SPTA1: variants seen among roughly 807,000 people sequenced by gnomAD.
SPTA1 encodes spectrin alpha, erythrocytic 1.
In SPTA1, 177 loss-of-function variants were observed where a neutral mutation model predicts 324.7. The observed-to-expected ratio is 0.55, with a 90% CI of 0.48 to 0.62. The LOEUF (loss-of-function observed/expected upper bound fraction) is 0.62, where lower values mean the gene tolerates loss of function less well. Among genes scored for constraint, SPTA1 ranks in the 20% least tolerant of loss-of-function variants. SPTA1 has a pLI of 0.00. For synonymous variants in SPTA1, 1,195 were observed against 1,041.3 expected (o/e 1.15, Z -2.84); for missense variants, 3,162 against 2,883.6 (o/e 1.10, Z -2.21).
chr1:158,658,585 A>C (rs1652991119), intron 18 of SPTA1, among the ~76,000 whole-genome samples: 1 of 152,178 alleles, frequency 6.6e-6, no homozygotes, highest in African/African-American at 2.4e-5. Flanking sequence ...TCATCTCTAA[A>C]TCAGTCCCCT....
chr1:158,639,750 A>G, intron 34 of SPTA1, 64 bp from the exon 35 acceptor site: 1 of 1,611,588 alleles, frequency 6.2e-7, no homozygotes. Flanking sequence ...GAATAAGATC[A>G]GCAGCTATGT....
rs200589641 is a variant in SPTA1, at chr1:158,666,463, T to G, written c.2073A>C (p.Gln691His). ...GCAAATCTTCTGCATTATTTTCAAA[T>G]TGCAGCTGCTGGTTGGCCTCATGCA... ...TQLHEANQQL[Q>H]FENNAEDLQR... The change falls in exon 16 of 52, where the codon CAA (glutamine) becomes CAC (histidine). Residue 691 changes from glutamine to histidine, a missense_variant. Physicochemically the swap from Gln to His is conservative, Grantham distance 24 (BLOSUM62 0). Transcript: ENST00000643759. 1 of 1,611,794 alleles carries G rather than the reference T, an allele frequency of 6.2e-7. No homozygotes were observed. Among genetic ancestry groups the G allele is most frequent in the African/African-American group, 1.3e-5 (1 of 74,988 alleles).
At chr1:158,641,053 T>C (rs908904900) in intron 33 of SPTA1, among the ~76,000 whole-genome samples, 2 of 152,138 alleles carry the variant, frequency 1.3e-5, no homozygotes, top group South Asian at 2.1e-4. Flanking sequence ...AAACAAGCAA[T>C]GGGGAAAGGA....
In SPTA1 at chr1:158,626,970, G is replaced by A. The variant is rs1376688572; in HGVS notation, c.5702C>T (p.Ser1901Phe). Reference sequence around the variant, plus strand: ...CTTTTCATTCAGAGCCTCTATCTTGGAAGAAATCTCTTTGTTCTGACTTTC... The same window carrying A: ...CTTTTCATTCAGAGCCTCTATCTTGAAAGAAATCTCTTTGTTCTGACTTTC... ...QEESQNKEIS[S>F]KIEALNEKTP... The change falls in exon 41 of 52, where the codon TCC becomes TTC. Residue 1901 changes from serine to phenylalanine, a missense_variant. Coordinates refer to ENST00000643759, the MANE Select transcript of SPTA1 (RefSeq NM_003126.4). 4.3e-6 allele frequency: 7 copies of A among 1,613,760 alleles called. No homozygotes were observed. The highest frequency in any genetic ancestry group is 1.7e-5 in the Admixed American group (1 of 59,998).
rs1035510858 is a variant in SPTA1, at chr1:158,653,423, G to C, written c.3039C>G (p.Asp1013Glu). 2.2e-5 allele frequency: 35 copies of C among 1,613,966 alleles called. No individual in the cohort carries two copies. Among genetic ancestry groups the C allele is most frequent in the South Asian group, 6.6e-5 (6 of 91,080 alleles). ...GATCAGCAGCTTCCACCTTCCACCA[G>C]TCCTGAAGGGAGAGCAGATCCCCAC... ...VLTLLSSINKDWWKVEAADHQ... is the reference protein window; with the variant it reads ...VLTLLSSINKEWWKVEAADHQ... The change falls in exon 22 of 52, where the codon GAC (aspartate) becomes GAG (glutamate). Residue 1013 changes from aspartate to glutamate, a missense_variant and splice_region_variant. By Grantham distance (45) the Asp-to-Glu change is conservative (BLOSUM62 2). Transcript: ENST00000643759.
At chr1:158,685,440 C>G in intron 1 of SPTA1, 93 bp from the exon 2 acceptor site, 4 of 1,555,444 alleles carry the variant, frequency 2.6e-6, no homozygotes, top group Non-Finnish European at 3.5e-6. Flanking sequence ...TCATGTTGGA[C>G]CTATATTCAG....
At chr1:158,684,095 GA>G (rs869026924) in intron 2 of SPTA1, among the ~76,000 whole-genome samples, 15 of 6,704 alleles carry the variant, frequency 2.2e-3, no homozygotes, top group South Asian at 8.8e-3. Flanking sequence ...ATTTAGGGAA[GA>G]AAAAAAAAAA....
rs372849405 is a variant in SPTA1, at chr1:158,615,368, T to G, written c.6636A>C (p.Gln2212His). 7 of 1,614,008 alleles carry G rather than the reference T, an allele frequency of 4.3e-6. No individual in the cohort carries two copies. The highest frequency in any genetic ancestry group is 1.3e-5 in the African/African-American group (1 of 74,932). The change falls in exon 48 of 52, where the codon CAA (glutamine) becomes CAC (histidine). Residue 2212 changes from glutamine (Q) to histidine (H), a missense_variant. Gln to His is a conservative substitution (Grantham distance 24). Coordinates refer to ENST00000643759, the MANE Select transcript of SPTA1 (RefSeq NM_003126.4). ...CCCCCAGGTCCACAATCTTGGTTAG[T>G]TGACGCTTCATCGCCTGGATCTCCT... ...KQKEIQAMKRQLTKIVDLGDN... is the reference protein window; with the variant it reads ...KQKEIQAMKRHLTKIVDLGDN...
At chr1:158,686,457 T>A (rs773443974) in intron 1 of SPTA1, 37 bp downstream of exon 1, 6 of 1,367,604 alleles carry the variant, frequency 4.4e-6, no homozygotes, top group Non-Finnish European at 6.3e-6. Flanking sequence ...CTAATAATAT[T>A]AATGACAAAT....
intron 7 of SPTA1, among the ~76,000 whole-genome samples, chr1:158,677,079 G>GT (rs1252979774): frequency 1.3e-5 from 2 of 152,136 alleles, no homozygotes; most frequent in African/African-American, 4.8e-5. Context: ...TGACTCCCCT[G>GT]TGCACTCTCA....
Position 158,685,119 on chromosome 1 carries a change from T to C in SPTA1, c.253A>G (p.Thr85Ala). 1.9e-6 allele frequency: 3 copies of C among 1,613,684 alleles called. No homozygotes were observed. Among genetic ancestry groups the C allele is most frequent in the Non-Finnish European group, 2.5e-6 (3 of 1,179,758 alleles). ...ILTDKSYEDP[T>A]NIQGKYQKHQ... Reference sequence around the variant, plus strand: ...GAGAACTGAGTGACCTGTATATTAGTTGGGTCTTCATAGCTCTTATCGGTT... The same window carrying C: ...GAGAACTGAGTGACCTGTATATTAGCTGGGTCTTCATAGCTCTTATCGGTT... The change falls in exon 2 of 52, where the codon ACT becomes GCT. Residue 85 changes from threonine to alanine, a missense_variant. Physicochemically the swap from Thr to Ala is moderately conservative, Grantham distance 58 (BLOSUM62 0). Transcript: ENST00000643759.
intron 35 of SPTA1, among the ~76,000 whole-genome samples, chr1:158,638,780 G>A (rs941339259): frequency 2.9e-4 from 43 of 150,610 alleles, no homozygotes; most frequent in Admixed American, 5.3e-4. Context: ...AAATCTTGGC[G>A]GGCAATCATT....
chr1:158,617,194 T>C (rs1169911309), intron 47 of SPTA1, among the ~76,000 whole-genome samples: 5 of 152,192 alleles, frequency 3.3e-5, no homozygotes, highest in African/African-American at 1.2e-4. Flanking sequence ...CTTTACTTCA[T>C]CATCATGTTC....
chr1:158,655,999 C>T (rs16840445), intron 20 of SPTA1, among the ~76,000 whole-genome samples: 15,067 of 152,102 alleles, frequency 0.099, 2,472 homozygotes, highest in African/African-American at 0.34. Flanking sequence ...TCAGATCAGG[C>T]GGTTTCCCTT....
At position 158,638,077 on chromosome 1, in the gene SPTA1, C is replaced by A. The variant is rs753350359; in HGVS notation, c.5145G>T (p.Leu1715Phe). ...HHEKLKEAYA[L>F]FQFFQDLDDE... is the part of the protein sequence containing the mutation. ...CATCTAGATCCTGGAAGAACTGGAA[C>A]AAGGCATAGGCCTCTTTCAATTTTT... The change falls in exon 36 of 52, where the codon TTG (leucine) becomes TTT (phenylalanine). Residue 1715 changes from leucine (L) to phenylalanine (F), a missense_variant. Physicochemically the swap from Leu to Phe is conservative, Grantham distance 22 (BLOSUM62 0). Coordinates refer to ENST00000643759, the MANE Select transcript of SPTA1 (RefSeq NM_003126.4). The A allele has an allele frequency of 7.1e-5, 114 of 1,613,844 alleles. No homozygotes were observed. The highest frequency in any genetic ancestry group is 9.4e-5 in the Non-Finnish European group (111 of 1,179,918).
In SPTA1 at chr1:158,642,550, G is replaced by A; in HGVS notation, c.4606-8C>T. 4 of 1,613,320 alleles carry A rather than the reference G, an allele frequency of 2.5e-6. No individual in the cohort carries two copies. Among genetic ancestry groups the A allele is most frequent in the Non-Finnish European group, 3.4e-6 (4 of 1,179,554 alleles). On this transcript the variant is annotated splice_polypyrimidine_tract_variant and splice_region_variant and intron_variant, in intron 32 of 51. Coordinates refer to ENST00000643759, the MANE Select transcript of SPTA1 (RefSeq NM_003126.4). ...GTGTTTCAGGTATTTCCTCTGAAGG[G>A]AAAATGAAACAGAAATTATATTATC...
intron 33 of SPTA1, among the ~76,000 whole-genome samples, chr1:158,640,528 GACAA>G (rs1434008666): frequency 1.3e-5 from 2 of 152,012 alleles, no homozygotes; most frequent in African/African-American, 4.8e-5. Flanking sequence ...ACCAATAACA[GACAA>G]ACAGAGAGCC....
At chr1:158,640,158 A>G in intron 33 of SPTA1, 151 bp from the exon 34 acceptor site, 1 of 959,594 alleles carries the variant, frequency 1.0e-6, no homozygotes, top group South Asian at 1.5e-5. Flanking sequence ...AGTTATACTT[A>G]ATCTGGGAAA....
chr1:158,672,727 A>AG (rs1381525290), intron 10 of SPTA1, among the ~76,000 whole-genome samples: 8 of 152,136 alleles, frequency 5.3e-5, no homozygotes, highest in African/African-American at 1.9e-4. Context: ...CACATGAAAA[A>AG]GCCTTTGTTT....
Sources: gnomAD v4.1 joint callset for allele counts (sites outside exome capture counted in the v4.1 genomes callset) on GRCh38, gnomAD v4.1.1 for gene constraint, MANE v1.5 for transcripts, NCBI Gene and HGNC (gene_info 2026-07-23, HGNC 2026-07-21) for gene names.